SHLD1: variants seen among roughly 807,000 people sequenced by gnomAD.
SHLD1 encodes shieldin complex subunit 1.
SHLD1 carries 3 observed loss-of-function variants against 5.5 expected under a neutral mutation model. That is an observed-to-expected ratio of 0.54 (90% CI 0.25 to 1.40). SHLD1 has a LOEUF of 1.40. SHLD1 is among the 40% of genes most tolerant of loss of function. SHLD1 has a pLI of 0.15. For missense variants in SHLD1, 210 were observed against 244.4 expected (o/e 0.86, Z 0.94); for synonymous variants, 92 against 94.3 (o/e 0.98, Z 0.14).
intron 2 of SHLD1, among the ~76,000 whole-genome samples, chr20:5,827,523 C>T (rs1461961986): frequency 1.3e-5 from 2 of 152,200 alleles, no homozygotes; most frequent in East Asian, 1.9e-4. Context: ...CATGGGCCCC[C>T]GCAGTCTGGC....
At chr20:5,763,947 A>G (rs1233609911) in intron 1 of SHLD1, among the ~76,000 whole-genome samples, 4 of 49,622 alleles carry the variant, frequency 8.1e-5, no homozygotes, top group African/African-American at 2.8e-4. Context: ...CGTCTTTACT[A>G]AAAAAAAAAA....
intron 1 of SHLD1, among the ~76,000 whole-genome samples, chr20:5,755,788 A>ACCTCAAGTGATCCGC (rs1405059753): frequency 3.9e-5 from 6 of 151,904 alleles, no homozygotes; most frequent in African/African-American, 1.4e-4. Flanking sequence ...CAAACTCTCA[A>ACCTCAAGTGATCCGC]CCTCAAGTGA....
rs116728081 is a variant in SHLD1, at chr20:5,757,362, C to T, written c.-5+6883C>T. Among the ~76,000 whole-genome samples, 447 of 152,044 alleles carry T rather than the reference C, an allele frequency of 2.9e-3. 3 individuals are homozygous for T. The highest frequency in any genetic ancestry group is 0.01 in the African/African-American group (420 of 41,468). On this transcript the variant is annotated intron_variant, in intron 1 of 2. Coordinates refer to ENST00000303142, the MANE Select transcript of SHLD1 (RefSeq NM_152504.4). The stretch of plus-strand genomic sequence containing the variant: ...AAAGTGCCTGGTGTAAGCCACTATG[C>T]CCAGCCTTTTTCTCTCTTTATTTTT...
intron 2 of SHLD1, among the ~76,000 whole-genome samples, chr20:5,824,042 AC>A (rs2122419704): frequency 6.6e-6 from 1 of 151,832 alleles, no homozygotes; most frequent in South Asian, 2.1e-4. Context: ...CCTGCTTAAA[AC>A]CTTTCAGTGC....
chr20:5,776,794 TA>T (rs200170425), intron 2 of SHLD1, among the ~76,000 whole-genome samples: 6 of 150,112 alleles, frequency 4.0e-5, no homozygotes, highest in Non-Finnish European at 8.9e-5. Context: ...TAAGTAAGCA[TA>T]AAAAAAAAGC....
intron 2 of SHLD1, among the ~76,000 whole-genome samples, chr20:5,793,680 T>A (rs182450018): frequency 6.6e-6 from 1 of 152,326 alleles, no homozygotes; most frequent in East Asian, 1.9e-4. Context: ...GGAAGCCAGT[T>A]GTCTCAATGT....
At chr20:5,802,681 C>T (rs983300708) in intron 2 of SHLD1, among the ~76,000 whole-genome samples, 4 of 151,990 alleles carry the variant, frequency 2.6e-5, no homozygotes, top group Admixed American at 6.6e-5. Flanking sequence ...GGGTCTCACT[C>T]TGTTGCTCAG....
chr20:5,807,084 C>T (rs1036256871), intron 2 of SHLD1, among the ~76,000 whole-genome samples: 1 of 152,196 alleles, frequency 6.6e-6, no homozygotes, highest in African/African-American at 2.4e-5. Flanking sequence ...TCCTGGGTGG[C>T]CTTTGCCTGG....
At chr20:5,856,213 G>T (rs777425293) in intron 2 of SHLD1, among the ~76,000 whole-genome samples, 1 of 152,214 alleles carries the variant, frequency 6.6e-6, no homozygotes, top group South Asian at 2.1e-4. Context: ...CCTAGAGGAC[G>T]TGATATGTGG....
intron 2 of SHLD1, among the ~76,000 whole-genome samples, chr20:5,787,393 G>C (rs1250106385): frequency 1.3e-5 from 2 of 152,226 alleles, no homozygotes; most frequent in African/African-American, 4.8e-5. Flanking sequence ...TGAAGTTGCT[G>C]TTTGTCTGCT....
At chr20:5,769,107 A>G (rs112417543) in intron 1 of SHLD1, among the ~76,000 whole-genome samples, 4,027 of 152,076 alleles carry the variant, frequency 0.026, 76 homozygotes, top group Non-Finnish European at 0.04. Context: ...GGGTCTTGCT[A>G]TGTTGCCCAG....
chr20:5,826,911 C>A lies in SHLD1; in HGVS notation c.179-36113C>A, dbSNP rs577388219. ...GTCATCGCCCCTCCCTCATATCCCC[C>A]CCTTCACCACATCACCACCTACCAT... is the stretch of plus-strand genomic sequence containing the variant. On this transcript the variant is annotated intron_variant, in intron 2 of 2. Coordinates refer to ENST00000303142, the MANE Select transcript of SHLD1 (RefSeq NM_152504.4). Among the ~76,000 whole-genome samples, 461 of 152,026 alleles carry A rather than the reference C, an allele frequency of 3.0e-3. 1 individual carries two copies. Among genetic ancestry groups the A allele is most frequent in the Non-Finnish European group, 4.7e-3 (322 of 67,972 alleles).
At position 5,855,595 on chromosome 20, in the gene SHLD1, C is replaced by A. The variant is rs943581920; in HGVS notation, c.179-7429C>A. Among the ~76,000 whole-genome samples, 4 of 152,156 alleles carry A rather than the reference C, an allele frequency of 2.6e-5. No homozygotes were observed. Among genetic ancestry groups the A allele is most frequent in the African/African-American group, 9.7e-5 (4 of 41,426 alleles). ...TCATGTTGCCCAGGCTGGTCTTGAA[C>A]TCCTGGGCTCAAGAGATCCACTTTC... On this transcript the variant is annotated intron_variant, in intron 2 of 2. Coordinates refer to ENST00000303142, the MANE Select transcript of SHLD1 (RefSeq NM_152504.4). The surrounding 1 kb of genome is among the most constrained non-coding windows in gnomAD (Gnocchi z 4.4).
intron 2 of SHLD1, among the ~76,000 whole-genome samples, chr20:5,778,283 G>GT (rs377277543): frequency 0.04 from 5,252 of 129,912 alleles, 128 homozygotes; most frequent in Non-Finnish European, 0.053. Flanking sequence ...TGCCTGGCTA[G>GT]TTTTTTTTTT....
At chr20:5,796,712 C>G (rs1174369204) in intron 2 of SHLD1, among the ~76,000 whole-genome samples, 1 of 151,636 alleles carries the variant, frequency 6.6e-6, no homozygotes, top group African/African-American at 2.4e-5. Context: ...GCATATAGTG[C>G]CAGCTACTCT....
At chr20:5,859,567 C>T (rs780905361) in intron 2 of SHLD1, among the ~76,000 whole-genome samples, 9 of 152,194 alleles carry the variant, frequency 5.9e-5, no homozygotes, top group Non-Finnish European at 1.2e-4. Flanking sequence ...ATTCTTTCCA[C>T]ACATGGACAC....
At chr20:5,779,462 T>C (rs753258519) in intron 2 of SHLD1, among the ~76,000 whole-genome samples, 30 of 152,210 alleles carry the variant, frequency 2.0e-4, no homozygotes, top group Non-Finnish European at 3.8e-4. Flanking sequence ...TCTCTCCCCA[T>C]GGCCCTTCAG....
intron 1 of SHLD1, among the ~76,000 whole-genome samples, chr20:5,752,051 C>T (rs190790749): frequency 4.9e-4 from 75 of 152,186 alleles, no homozygotes; most frequent in Admixed American, 7.9e-4. Flanking sequence ...GTCCTTGTTA[C>T]GTAGATGAAG....
At chr20:5,843,636 A>G (rs2087893902) in intron 2 of SHLD1, among the ~76,000 whole-genome samples, 1 of 152,106 alleles carries the variant, frequency 6.6e-6, no homozygotes, top group South Asian at 2.1e-4. Flanking sequence ...TTCTATTCTC[A>G]TTTTGCTTTT....
Sources: gnomAD v4.1 joint callset for allele counts (sites outside exome capture counted in the v4.1 genomes callset) on GRCh38, gnomAD v4.1.1 for gene constraint, Gnocchi (gnomAD v3.1) non-coding constraint, MANE v1.5 for transcripts, NCBI Gene and HGNC (gene_info 2026-07-23, HGNC 2026-07-21) for gene names.